SLAMF9: variants seen among roughly 807,000 people sequenced by gnomAD.
SLAMF9 encodes the protein CD2 family member 10.
Under a neutral mutation model 30.4 loss-of-function variants are expected in SLAMF9, and 25 were observed. The ratio of observed to expected loss-of-function variants is 0.82; its 90% confidence interval spans 0.60 to 1.15. SLAMF9 has a LOEUF of 1.15. Ranked by LOEUF, SLAMF9 falls within the 50% of genes most tolerant of loss-of-function variation. The pLI, the probability that SLAMF9 is intolerant of heterozygous loss-of-function variation, is 0.00. For synonymous variants in SLAMF9, 129 were observed against 127.2 expected (o/e 1.01, Z -0.09); for missense variants, 344 against 346.1 (o/e 0.99, Z 0.05).
upstream of SLAMF9, among the ~76,000 whole-genome samples, chr1:159,955,911 G>A (rs1651912380): frequency 6.6e-6 from 1 of 152,140 alleles, no homozygotes; most frequent in Non-Finnish European, 1.5e-5. Flanking sequence ...TTTTCTTAAA[G>A]GTGAACCAGA....
chr1:159,954,481 G>C (rs1269758707), upstream of SLAMF9, among the ~76,000 whole-genome samples: 1 of 152,052 alleles, frequency 6.6e-6, no homozygotes, highest in African/African-American at 2.4e-5. Flanking sequence ...TGCATGCCCC[G>C]AACTCGTAGA....
chr1:159,955,627 G>A (rs746843592), upstream of SLAMF9, among the ~76,000 whole-genome samples: 29 of 152,218 alleles, frequency 1.9e-4, no homozygotes, highest in Admixed American at 1.3e-4. Flanking sequence ...ATTTTAGATC[G>A]TGACTTCATG....
At chr1:159,956,410 A>G (rs748255461), upstream of SLAMF9, among the ~76,000 whole-genome samples, 17 of 152,134 alleles carry the variant, frequency 1.1e-4, no homozygotes, top group Admixed American at 5.9e-4. Context: ...TTGAGGGTGC[A>G]GTGAGCTATG....
At chr1:159,973,503 G>A in the SLAMF9 span, among the ~76,000 whole-genome samples, 3 of 152,190 alleles carry the variant, frequency 2.0e-5, no homozygotes, top group Non-Finnish European at 4.4e-5. Flanking sequence ...GGCAGAGGGG[G>A]CCTTCGAGGT....
chr1:159,983,684 T>G, the SLAMF9 span: 1 of 152,230 alleles, frequency 6.6e-6, no homozygotes, highest in Non-Finnish European at 1.5e-5. Context: ...TAGAGAGCAA[T>G]TAATCCTCGT....
At chr1:159,973,281 T>G in the SLAMF9 span, 1 of 704,160 alleles carries the variant, frequency 1.4e-6, no homozygotes, top group Admixed American at 2.4e-5. Flanking sequence ...TGGGAACTGC[T>G]CTGGGGAGAT....
chr1:159,973,002 A>T, the SLAMF9 span: 4 of 1,408,738 alleles, frequency 2.8e-6, no homozygotes, highest in South Asian at 6.6e-5. Context: ...TTTACCCTGC[A>T]CTCTGACCTC....
chr1:159,958,009 A>G (rs1571231994), upstream of SLAMF9, among the ~76,000 whole-genome samples: 2 of 152,336 alleles, frequency 1.3e-5, no homozygotes, highest in South Asian at 2.1e-4. Flanking sequence ...TGCGTCTCAC[A>G]GTCTCAGCTG....
At chr1:159,970,118 C>G in the SLAMF9 span, among the ~76,000 whole-genome samples, 1 of 151,932 alleles carries the variant, frequency 6.6e-6, no homozygotes, top group Non-Finnish European at 1.5e-5. Flanking sequence ...TTTGGTATAG[C>G]CTTAAAACCA....
At chr1:159,951,932 T>C in intron 3 of SLAMF9, 66 bp from the exon 4 acceptor site, 1 of 1,402,558 alleles carries the variant, frequency 7.1e-7, no homozygotes, top group Non-Finnish European at 9.9e-7. Flanking sequence ...TTGGGCAGAC[T>C]CCTACCCAAA....
chr1:159,953,984 C>A, intron 1 of SLAMF9, 108 bp downstream of exon 1: 1 of 1,353,460 alleles, frequency 7.4e-7, no homozygotes, highest in Non-Finnish European at 1.0e-6. Flanking sequence ...TCCAGAAGAG[C>A]TGACACATTC....
At chr1:159,960,488 C>T in the SLAMF9 span, among the ~76,000 whole-genome samples, 3 of 135,646 alleles carry the variant, frequency 2.2e-5, no homozygotes, top group Non-Finnish European at 4.6e-5. Flanking sequence ...TCCTTTGAGA[C>T]GGAGTTTCGA....
the SLAMF9 span, among the ~76,000 whole-genome samples, chr1:159,960,820 G>C: frequency 5.3e-5 from 8 of 152,124 alleles, no homozygotes; most frequent in South Asian, 2.1e-4. Flanking sequence ...ATGCAGGTTG[G>C]GGGGGTGCAG....
rs780139540 is a variant in SLAMF9, at chr1:159,952,406, C to T, written c.520G>A (p.Asp174Asn). 2 of 1,613,970 alleles carry T rather than the reference C, an allele frequency of 1.2e-6. No individual in the cohort carries two copies. The highest frequency in any genetic ancestry group is 2.2e-5 in the East Asian group (1 of 44,872). ...DMTYSWLSRG[D>N]STYTFHEGPV... The stretch of plus-strand genomic sequence containing the variant: ...CCTTCATGGAATGTATAAGTGCTAT[C>T]CCCCCGGGAGAGCCAGCTGTAGGTC... The change falls in exon 3 of 4, where the codon GAT (aspartate) becomes AAT (asparagine). Residue 174 changes from aspartate to asparagine, a missense_variant. Coordinates refer to ENST00000368093, the MANE Select transcript of SLAMF9 (RefSeq NM_033438.4).
the SLAMF9 span, among the ~76,000 whole-genome samples, chr1:159,981,663 C>T: frequency 2.0e-5 from 3 of 152,342 alleles, no homozygotes; most frequent in Admixed American, 6.5e-5. Context: ...GCTCAGGTCT[C>T]CCTTCAAGAG....
At chr1:159,971,393 A>G in the SLAMF9 span, among the ~76,000 whole-genome samples, 1 of 152,158 alleles carries the variant, frequency 6.6e-6, no homozygotes, top group Admixed American at 6.5e-5. Flanking sequence ...AGGAAGGAAC[A>G]AACCAACCAA....
the SLAMF9 span, chr1:159,972,987 G>T: frequency 1.5e-6 from 2 of 1,335,290 alleles, no homozygotes; most frequent in African/African-American, 3.0e-5. Context: ...CCACTCCCTC[G>T]CTCATTTACC....
chr1:159,953,958 C>G (rs1023719763), intron 1 of SLAMF9, 134 bp downstream of exon 1: 6 of 1,098,990 alleles, frequency 5.5e-6, no homozygotes, highest in Non-Finnish European at 6.7e-6. Flanking sequence ...AAGCCACACA[C>G]CCTACTCCTT....
upstream of SLAMF9, among the ~76,000 whole-genome samples, chr1:159,955,031 T>C (rs55934627): frequency 3.0e-4 from 46 of 151,242 alleles, no homozygotes; most frequent in Non-Finnish European, 4.9e-4. Context: ...AGAGCCAAGA[T>C]TGTGCCACTG....
Sources: gnomAD v4.1 joint callset for allele counts (sites outside exome capture counted in the v4.1 genomes callset) on GRCh38, gnomAD v4.1.1 for gene constraint, MANE v1.5 for transcripts, NCBI Gene and HGNC (gene_info 2026-07-23, HGNC 2026-07-21) for gene names.